Variants in PTPRN2 observed in about 807,000 individuals in gnomAD.
PTPRN2 encodes the protein protein tyrosine phosphatase receptor type N2.
PTPRN2 carries 74 observed loss-of-function variants against 118.8 expected under a neutral mutation model. That is an observed-to-expected ratio of 0.62 (90% confidence interval 0.52 to 0.76). PTPRN2 has a LOEUF of 0.76. Among genes scored for constraint, PTPRN2 ranks in the 30% least tolerant of loss-of-function variants. PTPRN2 has a pLI of 0.00. For synonymous variants in PTPRN2, 641 were observed against 608.0 expected (o/e 1.05, Z -0.80); for missense variants, 1,481 against 1,394.4 (o/e 1.06, Z -0.99).
At position 157,878,705 on chromosome 7, in the gene PTPRN2, A is replaced by G. The variant is rs111777024; in HGVS notation, c.1788+19968T>C. ...GGTCAGTGTGATACCATGCACCCAC[A>G]CTTACTCACTGAGGAGCTCTCGGAT... is the stretch of plus-strand genomic sequence containing the variant. On this transcript the variant is annotated intron_variant, in intron 12 of 22. Transcript: ENST00000389418. Among the ~76,000 whole-genome samples, 415 of 118,444 alleles carry G rather than the reference A, an allele frequency of 3.5e-3. 16 individuals carry two copies. Among genetic ancestry groups the G allele is most frequent in the African/African-American group, 0.014 (384 of 28,338 alleles). 77.7% of individuals were successfully genotyped at this position (118,444 alleles called of 152,430 possible).
chr7:157,972,001 T>G (rs982873882), intron 11 of PTPRN2, among the ~76,000 whole-genome samples: 1 of 152,234 alleles, frequency 6.6e-6, no homozygotes, highest in Admixed American at 6.5e-5. Flanking sequence ...CAAACTTATA[T>G]CAAGGTATGG....
chr7:157,592,317 C>T (rs1462287899), intron 17 of PTPRN2, among the ~76,000 whole-genome samples: 1 of 152,248 alleles, frequency 6.6e-6, no homozygotes, highest in African/African-American at 2.4e-5. Context: ...GGAATCTGGG[C>T]ACGCTATGAG....
At chr7:158,096,595 A>G (rs10272627) in intron 10 of PTPRN2, among the ~76,000 whole-genome samples, 29 of 152,096 alleles carry the variant, frequency 1.9e-4, no homozygotes, top group African/African-American at 7.0e-4. Flanking sequence ...TTTCCTTGAC[A>G]TTCCTTATTT....
intron 1 of PTPRN2, among the ~76,000 whole-genome samples, chr7:158,547,608 G>A (rs1014226252): frequency 2.6e-5 from 4 of 152,214 alleles, no homozygotes; most frequent in Non-Finnish European, 5.9e-5. Flanking sequence ...AAGGGAAAGG[G>A]GCCTGTTGGA....
intron 14 of PTPRN2, among the ~76,000 whole-genome samples, chr7:157,643,980 T>C (rs1432063315): frequency 6.6e-6 from 1 of 152,198 alleles, no homozygotes; most frequent in East Asian, 1.9e-4. Flanking sequence ...GGACTGTGGC[T>C]GGAAGACCAG....
At chr7:158,267,573 G>A (rs945862181) in intron 3 of PTPRN2, among the ~76,000 whole-genome samples, 2 of 152,162 alleles carry the variant, frequency 1.3e-5, no homozygotes, top group Non-Finnish European at 2.9e-5. Flanking sequence ...CCCTTACACG[G>A]GGGTGACTGA....
At chr7:157,876,654 C>G (rs138236662) in intron 12 of PTPRN2, among the ~76,000 whole-genome samples, 6 of 152,302 alleles carry the variant, frequency 3.9e-5, no homozygotes, top group Admixed American at 2.6e-4. Context: ...CCAGCGCCCC[C>G]ACGTGGGGCT....
rs1350441807 is a variant in PTPRN2, at chr7:157,787,129, C to T, written c.1789-104192G>A. Among the ~76,000 whole-genome samples the T allele has an allele frequency of 1.6e-5, 1 of 63,662 alleles. No individual in the cohort carries two copies. The highest frequency in any genetic ancestry group is 6.0e-5 in the African/African-American group (1 of 16,674). The allele number at this position is 63,662 out of a possible 152,430, so 41.8% of individuals were successfully genotyped here. ...GCGGACGCGGGTGCGGCGGGGGACG[C>T]GGGGGTGGCTGCCCGGGAGGCGGAC... On this transcript the variant is annotated intron_variant, in intron 12 of 22. Transcript: ENST00000389418. This position sits in a 1 kb window ranked among gnomAD's most constrained non-coding sequence, Gnocchi z 5.3.
At chr7:158,070,968 ACG>A (rs1811351402) in intron 11 of PTPRN2, among the ~76,000 whole-genome samples, 1 of 19,484 alleles carries the variant, frequency 5.1e-5, no homozygotes, top group African/African-American at 2.9e-4. Flanking sequence ...GGAGGTGCTC[ACG>A]GTGGAGGTGC....
chr7:158,150,665 A>T (rs73514443), intron 6 of PTPRN2, among the ~76,000 whole-genome samples: 1 of 151,814 alleles, frequency 6.6e-6, no homozygotes, highest in South Asian at 2.1e-4. Flanking sequence ...AACATAACCC[A>T]GGGGGGTCAC....
At chr7:158,265,520 C>G (rs1797814583) in intron 3 of PTPRN2, among the ~76,000 whole-genome samples, 1 of 152,148 alleles carries the variant, frequency 6.6e-6, no homozygotes, top group Admixed American at 6.5e-5. Flanking sequence ...CATATATCCC[C>G]CCATGTCCAC....
intron 2 of PTPRN2, among the ~76,000 whole-genome samples, chr7:158,337,056 C>T (rs199669675): frequency 0.14 from 13,512 of 98,792 alleles, no homozygotes; most frequent in African/African-American, 0.2. Flanking sequence ...CCCACACTGT[C>T]ACCATAAGAG....
intron 2 of PTPRN2, among the ~76,000 whole-genome samples, chr7:158,480,946 G>C (rs887521652): frequency 6.6e-6 from 1 of 152,288 alleles, no homozygotes; most frequent in African/African-American, 2.4e-5. Flanking sequence ...AGAAGCTGCA[G>C]CAAGCTCTCC....
chr7:158,321,090 C>T (rs1179759896), intron 2 of PTPRN2, among the ~76,000 whole-genome samples: 4 of 151,910 alleles, frequency 2.6e-5, no homozygotes, highest in Admixed American at 1.3e-4. Context: ...GCATCAGGTG[C>T]GATGAGACTC....
intron 13 of PTPRN2, among the ~76,000 whole-genome samples, chr7:157,673,664 CCT>C (rs1171913897): frequency 6.9e-6 from 1 of 145,940 alleles, no homozygotes; most frequent in Non-Finnish European, 1.6e-5. Context: ...TGTCCTGGCC[CCT>C]CTCTCTCTGA....
intron 2 of PTPRN2, among the ~76,000 whole-genome samples, chr7:158,424,357 G>A (rs1031902688): frequency 6.6e-6 from 1 of 152,188 alleles, no homozygotes; most frequent in African/African-American, 2.4e-5. Context: ...AAAGCGAGGC[G>A]TTTTCAGAAA....
chr7:157,789,718 G>GGT (rs376310317), intron 12 of PTPRN2, among the ~76,000 whole-genome samples: 3 of 150,508 alleles, frequency 2.0e-5, no homozygotes, highest in East Asian at 2.0e-4. Context: ...TGTGTGGTAT[G>GGT]GTGTGTGTGT....
chr7:158,091,685 G>T (rs1814140062), intron 10 of PTPRN2, among the ~76,000 whole-genome samples: 1 of 147,402 alleles, frequency 6.8e-6, no homozygotes, highest in Non-Finnish European at 1.5e-5. Context: ...TGGGTGGGTG[G>T]ATGGGTGAGG....
intron 11 of PTPRN2, among the ~76,000 whole-genome samples, chr7:158,040,997 C>A (rs924543572): frequency 2.6e-5 from 4 of 152,218 alleles, no homozygotes; most frequent in African/African-American, 9.6e-5. Context: ...TCCCAAAGTG[C>A]TGGGATCACA....
Sources: allele counts gnomAD v4.1 joint callset (sites outside exome capture counted in the v4.1 genomes callset), GRCh38; gene constraint gnomAD v4.1.1; non-coding constraint Gnocchi (gnomAD v3.1); transcripts MANE v1.5; gene names NCBI Gene and HGNC (gene_info 2026-07-23, HGNC 2026-07-21).